The following ESR1 variants were observed in gnomAD, a reference collection of about 807,000 sequenced individuals.
ESR1 encodes estrogen receptor 1, also known as estrogen receptor.
ESR1 carries 12 observed loss-of-function variants against 52.7 expected under a neutral mutation model. That is an observed-to-expected ratio of 0.23 (90% CI 0.15 to 0.37). The LOEUF (loss-of-function observed/expected upper bound fraction) is 0.37, where lower values mean the gene tolerates loss of function less well. ESR1 is among the 10% of genes least tolerant of loss of function. The pLI, the probability that ESR1 is intolerant of heterozygous loss-of-function variation, is 1.00. For synonymous variants in ESR1, 305 were observed against 316.8 expected (o/e 0.96, Z 0.39); for missense variants, 584 against 779.7 (o/e 0.75, Z 2.99).
chr6:151,681,780 G>A (rs190243869), intron 1 of ESR1, among the ~76,000 whole-genome samples: 49 of 151,858 alleles, frequency 3.2e-4, no homozygotes, highest in Middle Eastern at 6.8e-3. Flanking sequence ...AGCTGGACGC[G>A]GGGTCCAGCT....
At chr6:151,665,319 G>C (rs1431134964) in intron 1 of ESR1, among the ~76,000 whole-genome samples, 2 of 152,134 alleles carry the variant, frequency 1.3e-5, no homozygotes, top group Non-Finnish European at 1.5e-5. Flanking sequence ...CATGCAGTCC[G>C]CAGATTTTTT....
intron 2 of ESR1, among the ~76,000 whole-genome samples, chr6:151,848,078 C>T (rs1279978089): frequency 1.1e-5 from 1 of 92,654 alleles, no homozygotes; most frequent in African/African-American, 4.3e-5. Flanking sequence ...GGAACCAACC[C>T]AAATGTCCAA....
chr6:152,022,226 A>T (rs1470859326), intron 5 of ESR1, among the ~76,000 whole-genome samples: 2 of 152,070 alleles, frequency 1.3e-5, no homozygotes, highest in Non-Finnish European at 2.9e-5. Flanking sequence ...CTTAATTCAG[A>T]GTGTGTGTGA....
At chr6:151,849,014 G>A (rs1185376073) in intron 2 of ESR1, among the ~76,000 whole-genome samples, 1 of 151,982 alleles carries the variant, frequency 6.6e-6, no homozygotes, top group African/African-American at 2.4e-5. Flanking sequence ...CTCAGCACAT[G>A]TGGTTCCCTT....
At chr6:152,028,612 T>C (rs2044374395) in intron 5 of ESR1, among the ~76,000 whole-genome samples, 1 of 152,162 alleles carries the variant, frequency 6.6e-6, no homozygotes, top group South Asian at 2.1e-4. Flanking sequence ...CGCCTGCCAT[T>C]GCTGAGGCTT....
chr6:152,027,791 G>T (rs957039843), intron 5 of ESR1, among the ~76,000 whole-genome samples: 7 of 152,154 alleles, frequency 4.6e-5, no homozygotes, highest in African/African-American at 1.7e-4. Context: ...TACATAGAAT[G>T]TCTTTTGAAT....
At chr6:151,778,073 C>T (rs182608584) in intron 2 of ESR1, among the ~76,000 whole-genome samples, 29 of 152,374 alleles carry the variant, frequency 1.9e-4, no homozygotes, top group Admixed American at 7.2e-4. Flanking sequence ...ATTGGTTCCT[C>T]GTCTGATTTT....
intron 6 of ESR1, among the ~76,000 whole-genome samples, chr6:152,093,492 C>T (rs1474578803): frequency 4.6e-5 from 7 of 151,788 alleles, no homozygotes; most frequent in Non-Finnish European, 1.0e-4. Flanking sequence ...TTTAGCAATG[C>T]GAGAAGAAAA....
intron 1 of ESR1, among the ~76,000 whole-genome samples, chr6:151,820,361 C>G (rs1282426339): frequency 6.6e-6 from 1 of 152,194 alleles, no homozygotes; most frequent in Non-Finnish European, 1.5e-5. Flanking sequence ...TTAAAGAACA[C>G]TGATAGCTAG....
intron 5 of ESR1, among the ~76,000 whole-genome samples, chr6:152,044,486 G>A (rs2046065410): frequency 6.6e-6 from 1 of 152,134 alleles, no homozygotes; most frequent in Non-Finnish European, 1.5e-5. Flanking sequence ...CAATCACAAG[G>A]TGAAGTCCCA....
intron 2 of ESR1, among the ~76,000 whole-genome samples, chr6:151,793,416 A>T (rs1776389765): frequency 6.6e-6 from 1 of 152,036 alleles, no homozygotes; most frequent in Non-Finnish European, 1.5e-5. Context: ...TACAGGTAAT[A>T]TTTTTTTCTA....
intron 2 of ESR1, among the ~76,000 whole-genome samples, chr6:151,786,418 G>T (rs998686037): frequency 6.6e-6 from 1 of 152,118 alleles, no homozygotes; most frequent in Non-Finnish European, 1.5e-5. Context: ...GACCTGGCAC[G>T]GCATAAAGCT....
chr6:151,995,521 T>C (rs1249443322), intron 4 of ESR1, among the ~76,000 whole-genome samples: 2 of 152,240 alleles, frequency 1.3e-5, no homozygotes, highest in African/African-American at 2.4e-5. Context: ...AGTAAAATTA[T>C]GACTTAAGAT....
intron 5 of ESR1, among the ~76,000 whole-genome samples, chr6:152,056,334 A>G (rs1478177865): frequency 6.6e-6 from 1 of 152,178 alleles, no homozygotes; most frequent in Non-Finnish European, 1.5e-5. Flanking sequence ...TTACCTTTTT[A>G]AAACCATATT....
chr6:152,033,177 C>T (rs551027046), intron 5 of ESR1, among the ~76,000 whole-genome samples: 28 of 152,018 alleles, frequency 1.8e-4, no homozygotes, highest in Admixed American at 1.8e-3. Context: ...AGATCAAAAA[C>T]CATAAAAACC....
intron 1 of ESR1, among the ~76,000 whole-genome samples, chr6:151,824,820 CT>C (rs1337358544): frequency 6.6e-6 from 1 of 151,932 alleles, no homozygotes; most frequent in Non-Finnish European, 1.5e-5. Flanking sequence ...GCTTGGGAGG[CT>C]GAGGCAGGAG....
At chr6:151,886,827 G>C (rs1475020481) in intron 3 of ESR1, among the ~76,000 whole-genome samples, 2 of 151,998 alleles carry the variant, frequency 1.3e-5, no homozygotes, top group Admixed American at 1.3e-4. Flanking sequence ...GATCACCTGA[G>C]ATCAGGAGTT....
At chr6:152,097,401 GAAA>G (rs747488512) in intron 7 of ESR1, among the ~76,000 whole-genome samples, 1 of 139,242 alleles carries the variant, frequency 7.2e-6, no homozygotes, top group Non-Finnish European at 1.6e-5. Context: ...CATTTTAAAT[GAAA>G]AAAAAAAAAA....
intron 3 of ESR1, among the ~76,000 whole-genome samples, chr6:151,898,387 T>G (rs1795886606): frequency 6.7e-6 from 1 of 148,900 alleles, no homozygotes; most frequent in South Asian, 2.1e-4. Context: ...TTTGTTCATT[T>G]TTTTTTTTTT....
Sources: gnomAD v4.1 joint callset for allele counts (sites outside exome capture counted in the v4.1 genomes callset) on GRCh38, gnomAD v4.1.1 for gene constraint, MANE v1.5 for transcripts, NCBI Gene and HGNC (gene_info 2026-07-23, HGNC 2026-07-21) for gene names.